Variants in CSMD1 observed in about 807,000 individuals in gnomAD.
The protein encoded by CSMD1 is CUB and sushi domain-containing protein 1.
A neutral mutation model predicts 417.5 loss-of-function variants in CSMD1; 213 were observed. The observed-to-expected ratio is 0.51, with a 90% CI of 0.46 to 0.57. The LOEUF is 0.57. Among genes scored for constraint, CSMD1 ranks in the 20% least tolerant of loss-of-function variants. The probability of loss-of-function intolerance (pLI) is 0.00; values close to 1 mark genes in which losing one functional copy is unlikely to be tolerated. For synonymous variants in CSMD1, 2,862 were observed against 1,736.8 expected (o/e 1.65, Z -16.11); for missense variants, 6,923 against 4,529.7 (o/e 1.53, Z -15.17).
chr8:3,856,856 A>G (rs1585097904), intron 5 of CSMD1, among the ~76,000 whole-genome samples: 1 of 152,306 alleles, frequency 6.6e-6, no homozygotes, highest in South Asian at 2.1e-4. Context: ...GCCACAGCAG[A>G]TCCAGCATGG....
intron 25 of CSMD1, among the ~76,000 whole-genome samples, chr8:3,286,437 C>T (rs1464559748): frequency 2.0e-5 from 3 of 152,058 alleles, no homozygotes; most frequent in African/African-American, 7.2e-5. Context: ...GTTTACAGTC[C>T]CACCAAGAGT....
At chr8:3,817,948 G>A (rs1801484168) in intron 5 of CSMD1, among the ~76,000 whole-genome samples, 1 of 152,114 alleles carries the variant, frequency 6.6e-6, no homozygotes. Flanking sequence ...TAGCTAAGTG[G>A]ATTCTTTTGG....
chr8:3,394,184 T>C (rs1811547826), intron 17 of CSMD1, among the ~76,000 whole-genome samples: 1 of 146,248 alleles, frequency 6.8e-6, no homozygotes, highest in African/African-American at 2.5e-5. Context: ...AAACATAGGG[T>C]AGTCATTCTT....
At chr8:4,955,645 G>A (rs146902523) in intron 1 of CSMD1, among the ~76,000 whole-genome samples, 1 of 152,060 alleles carries the variant, frequency 6.6e-6, no homozygotes, top group African/African-American at 2.4e-5. Flanking sequence ...TAATAGAGAC[G>A]GGCTTTCCCC....
At chr8:3,309,505 G>A (rs1584974292) in intron 23 of CSMD1, among the ~76,000 whole-genome samples, 2 of 152,142 alleles carry the variant, frequency 1.3e-5, no homozygotes, top group Admixed American at 6.5e-5. Flanking sequence ...TTTAGCTTCT[G>A]CAGTACTGAG....
chr8:4,406,070 T>C (rs1031606303), intron 3 of CSMD1, among the ~76,000 whole-genome samples: 1 of 152,320 alleles, frequency 6.6e-6, no homozygotes, highest in Admixed American at 6.5e-5. Flanking sequence ...ACTTTATTTT[T>C]GGTCTATTAG....
At chr8:3,701,040 C>A (rs535628004) in intron 7 of CSMD1, among the ~76,000 whole-genome samples, 2 of 151,702 alleles carry the variant, frequency 1.3e-5, no homozygotes, top group African/African-American at 4.8e-5. Context: ...GGGGGGCAGT[C>A]AGGGCTCACC....
intron 5 of CSMD1, among the ~76,000 whole-genome samples, chr8:3,958,338 C>A: frequency 7.0e-6 from 1 of 143,444 alleles, no homozygotes; most frequent in Admixed American, 7.0e-5. Context: ...TTTTTTTTTC[C>A]AACTTGCTCT....
intron 3 of CSMD1, among the ~76,000 whole-genome samples, chr8:4,201,845 T>C (rs1178441144): frequency 4.1e-5 from 6 of 147,018 alleles, no homozygotes; most frequent in Non-Finnish European, 7.4e-5. Flanking sequence ...AGGATCTTAA[T>C]TGTGTCTAAT....
At chr8:3,872,201 G>A (rs1335830275) in intron 5 of CSMD1, among the ~76,000 whole-genome samples, 1 of 152,146 alleles carries the variant, frequency 6.6e-6, no homozygotes, top group African/African-American at 2.4e-5. Flanking sequence ...GGAAATGTGA[G>A]ATCGTATACT....
chr8:3,547,477 G>A (rs963584499), intron 10 of CSMD1, among the ~76,000 whole-genome samples: 7 of 152,094 alleles, frequency 4.6e-5, no homozygotes, highest in African/African-American at 1.2e-4. Flanking sequence ...TGTCCGTAAT[G>A]TTTTCCAACT....
At chr8:4,397,326 C>A (rs1385296034) in intron 3 of CSMD1, among the ~76,000 whole-genome samples, 3 of 152,060 alleles carry the variant, frequency 2.0e-5, no homozygotes, top group Non-Finnish European at 2.9e-5. Flanking sequence ...TAAGCATATT[C>A]AACTGAAGAT....
At chr8:3,665,751 G>GT (rs1554504331) in intron 7 of CSMD1, among the ~76,000 whole-genome samples, 1 of 152,004 alleles carries the variant, frequency 6.6e-6, no homozygotes, top group Non-Finnish European at 1.5e-5. Context: ...AATATAGGAA[G>GT]GTGTTTATCC....
chr8:4,144,761 AG>A (rs1293575402), intron 3 of CSMD1, among the ~76,000 whole-genome samples: 1 of 150,978 alleles, frequency 6.6e-6, no homozygotes, highest in East Asian at 1.9e-4. Context: ...CAGACATAGG[AG>A]AACAGGAATG....
chr8:3,799,962 C>G (rs1289545466), intron 5 of CSMD1, among the ~76,000 whole-genome samples: 3 of 152,110 alleles, frequency 2.0e-5, no homozygotes, highest in Admixed American at 6.6e-5. Flanking sequence ...ATGAAAATGT[C>G]TGGGGTATAA....
chr8:3,828,056 G>C (rs1465165331), intron 5 of CSMD1, among the ~76,000 whole-genome samples: 1 of 152,172 alleles, frequency 6.6e-6, no homozygotes, highest in African/African-American at 2.4e-5. Flanking sequence ...CCACTTCAAT[G>C]AGCAAAAAGT....
intron 12 of CSMD1, among the ~76,000 whole-genome samples, chr8:3,447,366 T>G (rs1325544035): frequency 6.6e-6 from 1 of 151,574 alleles, no homozygotes; most frequent in Non-Finnish European, 1.5e-5. Flanking sequence ...GGGAAAGGAA[T>G]GAATAAAAGA....
chr8:3,829,682 C>A (rs1442764873), intron 5 of CSMD1, among the ~76,000 whole-genome samples: 2 of 152,152 alleles, frequency 1.3e-5, no homozygotes, highest in African/African-American at 2.4e-5. Flanking sequence ...CGTATCTTAA[C>A]ATGCTTGAGA....
In CSMD1 at chr8:2,962,448, C is replaced by T; in HGVS notation, c.9628+18G>A. On this transcript the variant is annotated intron_variant, in intron 61 of 69. Coordinates refer to ENST00000635120, the MANE Select transcript of CSMD1 (RefSeq NM_033225.6). ...CAAATACTCCCAGGTATCCCCAGAG[C>T]TGTATGATAATTATTACCAATGCAG... is the stretch of plus-strand genomic sequence containing the variant. 6.2e-7 allele frequency: 1 copy of T among 1,607,024 alleles called. No individual in the cohort carries two copies. Among genetic ancestry groups the T allele is most frequent in the African/African-American group, 1.3e-5 (1 of 74,898 alleles).
Sources: gnomAD v4.1 joint callset for allele counts (sites outside exome capture counted in the v4.1 genomes callset) on GRCh38, gnomAD v4.1.1 for gene constraint, MANE v1.5 for transcripts, NCBI Gene and HGNC (gene_info 2026-07-23, HGNC 2026-07-21) for gene names.